WDR49: variants seen among roughly 807,000 people sequenced by gnomAD.
The protein encoded by WDR49 is cilia- and flagella-associated protein 337.
In WDR49, 107 loss-of-function variants were observed where a neutral mutation model predicts 119.5. The ratio of observed to expected loss-of-function variants is 0.90; its 90% CI spans 0.77 to 1.05. The LOEUF (loss-of-function observed/expected upper bound fraction) is 1.05, where lower values mean the gene tolerates loss of function less well. Among genes scored for constraint, WDR49 ranks in the 50% least tolerant of loss-of-function variants. WDR49 has a pLI of 0.00. For missense variants in WDR49, 1,240 were observed against 1,220.5 expected, an observed-to-expected ratio of 1.02 and a Z score of -0.24; for synonymous variants, 425 against 418.8, an observed-to-expected ratio of 1.01 and a Z score of -0.18.
chr3:167,533,031 A>G (rs1377433638), intron 11 of WDR49, 54 bp from the exon 12 acceptor site: 3 of 1,319,380 alleles, frequency 2.3e-6, no homozygotes, highest in Non-Finnish European at 3.2e-6. Context: ...GATAGAAAAT[A>G]TGAGCAACAG....
chr3:167,623,912 C>T (rs1186224365), intron 3 of WDR49, among the ~76,000 whole-genome samples: 2 of 151,724 alleles, frequency 1.3e-5, no homozygotes, highest in Non-Finnish European at 2.9e-5. Context: ...ATACAATGAA[C>T]AGTCTGAAAA....
At chr3:167,536,704 T>TATAC (rs1417816423) in intron 11 of WDR49, among the ~76,000 whole-genome samples, 166 bp downstream of exon 11, 714 of 62,488 alleles carry the variant, frequency 0.011, 2 homozygotes, top group Non-Finnish European at 0.018. Flanking sequence ...TATATATATA[T>TATAC]ACACACACAT....
At position 167,605,070 on chromosome 3, in the gene WDR49, TAC is replaced by T. The variant is rs554489078; in HGVS notation, c.959-604_959-603del. On this transcript the variant is annotated intron_variant, in intron 5 of 18. Transcript: ENST00000682715. The stretch of plus-strand genomic sequence containing the variant: ...TGTACATATACATATGGCGTATATA[TAC>T]ACACATATATTTGTAATATGTGTAT... Among the ~76,000 whole-genome samples, 87 of 150,642 alleles carry T rather than the reference TAC, an allele frequency of 5.8e-4. 1 individual carries two copies. Among genetic ancestry groups the T allele is most frequent in the Admixed American group, 5.0e-3 (76 of 15,154 alleles).
chr3:167,613,965 AT>A (rs986403413), intron 5 of WDR49, among the ~76,000 whole-genome samples: 2 of 150,612 alleles, frequency 1.3e-5, no homozygotes, highest in Non-Finnish European at 3.0e-5. Flanking sequence ...GCAATTAGTG[AT>A]TTTGTTAACA....
At position 167,531,124 on chromosome 3, in the gene WDR49, C is replaced by CA. The variant is rs760478918; in HGVS notation, c.2208dup (p.Ala737CysfsTer7). 6.2e-7 allele frequency: 1 copy of CA among 1,610,766 alleles called. No homozygotes were observed. The highest frequency in any genetic ancestry group is 1.7e-5 in the Admixed American group (1 of 59,342). ...TAAATATATATTTTACCTGTCACTG[C>CA]AGTGTTTTTTCTTGCTTTAAGAAAG... is the stretch of plus-strand genomic sequence containing the variant. On this transcript the variant is annotated frameshift_variant, in exon 13 of 19. Transcript: ENST00000682715. LOFTEE classifies it high-confidence loss of function.
chr3:167,528,977 G>T (rs895775047), intron 14 of WDR49, 75 bp downstream of exon 14: 3 of 1,265,130 alleles, frequency 2.4e-6, no homozygotes, highest in South Asian at 1.9e-5. Flanking sequence ...GACAGACAAG[G>T]CTTGATTCAT....
At chr3:167,486,365 G>A (rs1047501079) in intron 18 of WDR49, among the ~76,000 whole-genome samples, 12 of 151,966 alleles carry the variant, frequency 7.9e-5, no homozygotes, top group Admixed American at 2.0e-4. Flanking sequence ...ATAACAACCA[G>A]CTAAGAACAT....
chr3:167,554,649 C>T lies in WDR49; in HGVS notation c.1823+1G>A, dbSNP rs759556108. On this transcript the variant is annotated splice_donor_variant, in intron 10 of 18. Transcript: ENST00000682715. LOFTEE classifies it high-confidence loss of function. ...TAAAATAAAAACATTCTCCTTTTTACCTTCCTATAGTTTTCCATGAGGCAT... is the reference window on the plus strand; with the variant it reads ...TAAAATAAAAACATTCTCCTTTTTATCTTCCTATAGTTTTCCATGAGGCAT... The T allele has an allele frequency of 1.4e-6, 2 of 1,470,174 alleles. No homozygotes were observed. Among genetic ancestry groups the T allele is most frequent in the African/African-American group, 2.9e-5 (2 of 69,930 alleles). The allele number at this position is 1,470,174 out of a possible 1,614,324, so 91.1% of individuals were successfully genotyped here.
chr3:167,644,363 T>C (rs1309958112), intron 2 of WDR49, among the ~76,000 whole-genome samples: 1 of 152,122 alleles, frequency 6.6e-6, no homozygotes, highest in African/African-American at 2.4e-5. Flanking sequence ...CCATTTGCTA[T>C]AACTTGCCCC....
chr3:167,611,211 A>G (rs935265412), intron 5 of WDR49, among the ~76,000 whole-genome samples: 3 of 152,216 alleles, frequency 2.0e-5, no homozygotes. Flanking sequence ...CGAAGTTAAA[A>G]TGTAGAGTTT....
chr3:167,516,462 G>A (rs1232473222), intron 16 of WDR49, among the ~76,000 whole-genome samples: 1 of 152,080 alleles, frequency 6.6e-6, no homozygotes, highest in Non-Finnish European at 1.5e-5. Context: ...GTATTCCATG[G>A]TGTATATATG....
chr3:167,498,706 G>A (rs1330746395), intron 18 of WDR49, among the ~76,000 whole-genome samples: 1 of 152,148 alleles, frequency 6.6e-6, no homozygotes, highest in Non-Finnish European at 1.5e-5. Flanking sequence ...GCCTGTTTAG[G>A]TGTGGTAATG....
chr3:167,559,942 T>C, intron 9 of WDR49, 122 bp downstream of exon 9: 1 of 995,528 alleles, frequency 1.0e-6, no homozygotes, highest in East Asian at 2.6e-5. Context: ...ACTCTTACCA[T>C]GTCTCATTTC....
intron 3 of WDR49, among the ~76,000 whole-genome samples, 160 bp from the exon 4 acceptor site, chr3:167,621,803 A>G (rs1415964256): frequency 2.0e-5 from 3 of 152,152 alleles, no homozygotes; most frequent in Admixed American, 6.6e-5. Context: ...AATGTACCTT[A>G]TCCTAACTGT....
Position 167,478,843 on chromosome 3 carries a change from T to TA in WDR49, c.*34dup. 1 of 1,396,888 alleles carries TA rather than the reference T, an allele frequency of 7.2e-7. No individual in the cohort carries two copies. The highest frequency in any genetic ancestry group is 1.0e-6 in the Non-Finnish European group (1 of 1,004,198). The allele number at this position is 1,396,888 out of a possible 1,614,324, so 86.5% of individuals were successfully genotyped here. A position where few individuals can be genotyped will look rare whatever the true frequency, so the allele number is the denominator to read the frequency against. ...ATGCTTTTTCTGCATTTTATATCTG[T>TA]ACCTTATGTAACAGTGAAGGTTTTT... On this transcript the variant is annotated 3_prime_UTR_variant, in exon 19 of 19. Transcript: ENST00000682715.
chr3:167,631,646 A>G (rs1332106947), intron 2 of WDR49, among the ~76,000 whole-genome samples: 1 of 152,072 alleles, frequency 6.6e-6, no homozygotes, highest in East Asian at 1.9e-4. Context: ...TTCCCACCAC[A>G]TCGAAGCGAG....
At chr3:167,653,013 T>A (rs1718461448) in intron 2 of WDR49, among the ~76,000 whole-genome samples, 1 of 152,188 alleles carries the variant, frequency 6.6e-6, no homozygotes, top group Non-Finnish European at 1.5e-5. Flanking sequence ...CAATAAATAG[T>A]TCTTTCTTGA....
intron 17 of WDR49, among the ~76,000 whole-genome samples, chr3:167,503,794 TA>T (rs1305201951): frequency 6.6e-6 from 1 of 152,070 alleles, no homozygotes; most frequent in Non-Finnish European, 1.5e-5. Flanking sequence ...TTGCAAGATT[TA>T]ATAGAGTGAA....
chr3:167,527,722 T>G, intron 15 of WDR49, 98 bp downstream of exon 15: 1 of 1,237,488 alleles, frequency 8.1e-7, no homozygotes, highest in Non-Finnish European at 1.1e-6. Flanking sequence ...TCATGACTAA[T>G]GAACATTAAA....
Sources: gnomAD v4.1 joint callset for allele counts (sites outside exome capture counted in the v4.1 genomes callset) on GRCh38, gnomAD v4.1.1 for gene constraint, MANE v1.5 for transcripts, NCBI Gene and HGNC (gene_info 2026-07-23, HGNC 2026-07-21) for gene names.